Variants in VAV1 observed in about 807,000 individuals in gnomAD.
VAV1 encodes vav guanine nucleotide exchange factor 1, also known as proto-oncogene vav.
A neutral mutation model predicts 128.1 loss-of-function variants in VAV1; 33 were observed. That is an observed-to-expected ratio of 0.26 (90% CI 0.20 to 0.34). The LOEUF is 0.34. Ranked by LOEUF, VAV1 falls within the 10% of genes least tolerant of loss-of-function variation. The pLI is 1.00. For synonymous variants in VAV1, 394 were observed against 409.8 expected, an observed-to-expected ratio of 0.96 and a Z score of 0.47; for missense variants, 715 against 1,093.7, an observed-to-expected ratio of 0.65 and a Z score of 4.88.
At chr19:6,845,321 G>T (rs1245205581) in intron 22 of VAV1, among the ~76,000 whole-genome samples, 2 of 152,076 alleles carry the variant, frequency 1.3e-5, no homozygotes, top group African/African-American at 4.8e-5. Context: ...GCAGGCGGAG[G>T]TTGCAGTGAG....
chr19:6,837,799 G>C (rs1423646780), intron 21 of VAV1, among the ~76,000 whole-genome samples: 1 of 151,996 alleles, frequency 6.6e-6, no homozygotes, highest in South Asian at 2.1e-4. Flanking sequence ...TGCAGACGAC[G>C]TTCCCCTTTA....
chr19:6,850,497 A>G (rs1972644256), intron 23 of VAV1, among the ~76,000 whole-genome samples, 173 bp from the exon 24 acceptor site: 1 of 151,450 alleles, frequency 6.6e-6, no homozygotes, highest in Non-Finnish European at 1.5e-5. Flanking sequence ...GAAGACATTA[A>G]GGCTTTAGAG....
chr19:6,851,576 G>A (rs137976349), intron 24 of VAV1, among the ~76,000 whole-genome samples: 129 of 152,174 alleles, frequency 8.5e-4, no homozygotes, highest in Middle Eastern at 3.4e-3. Context: ...TTTACTCCTC[G>A]TCTAGCTTCA....
intron 21 of VAV1, among the ~76,000 whole-genome samples, chr19:6,842,259 AC>A (rs1438828767): frequency 6.6e-6 from 1 of 151,926 alleles, no homozygotes; most frequent in Non-Finnish European, 1.5e-5. Flanking sequence ...AATAATAAAT[AC>A]ATACATAAAA....
At chr19:6,814,637 C>CCTTCCTTCCT (rs1971581742) in intron 1 of VAV1, among the ~76,000 whole-genome samples, 1 of 82,034 alleles carries the variant, frequency 1.2e-5, no homozygotes, top group African/African-American at 6.5e-5. Context: ...TTTTCTTTCT[C>CCTTCCTTCCT]TCCTTCCTTC....
intron 1 of VAV1, among the ~76,000 whole-genome samples, chr19:6,794,335 A>T (rs189724033): frequency 1.3e-5 from 2 of 152,250 alleles, no homozygotes; most frequent in African/African-American, 4.8e-5. Flanking sequence ...AGAGGAGAAT[A>T]CAGTGACTGA....
chr19:6,851,353 T>A (rs1041162724), intron 24 of VAV1, among the ~76,000 whole-genome samples: 19 of 150,300 alleles, frequency 1.3e-4, no homozygotes, highest in Middle Eastern at 3.4e-3. Flanking sequence ...TAAAAAAAAA[T>A]TTTTTTTTTG....
At chr19:6,812,408 A>C (rs1476549817) in intron 1 of VAV1, among the ~76,000 whole-genome samples, 1 of 152,200 alleles carries the variant, frequency 6.6e-6, no homozygotes, top group Non-Finnish European at 1.5e-5. Flanking sequence ...TGATCCCAGC[A>C]CTTTGGGAGG....
At chr19:6,797,501 G>A (rs1218956668) in intron 1 of VAV1, among the ~76,000 whole-genome samples, 10 of 152,014 alleles carry the variant, frequency 6.6e-5, no homozygotes, top group Non-Finnish European at 1.2e-4. Flanking sequence ...TTGGGAGTTC[G>A]AGACTCAGCC....
intron 4 of VAV1, 33 bp downstream of exon 4, chr19:6,821,892 C>T (rs1256584704): frequency 6.2e-7 from 1 of 1,613,682 alleles, no homozygotes; most frequent in East Asian, 2.2e-5. Flanking sequence ...GCACAGCTCA[C>T]TGGAGCACCG....
intron 26 of VAV1, among the ~76,000 whole-genome samples, chr19:6,856,268 G>A (rs1332760596): frequency 1.3e-5 from 2 of 151,904 alleles, no homozygotes; most frequent in Admixed American, 6.6e-5. Context: ...CTGCACTCCA[G>A]CCTGGGCAAC....
chr19:6,814,660 C>CT lies in VAV1; in HGVS notation c.205-6040dup, dbSNP rs1387668097. On this transcript the variant is annotated intron_variant, in intron 1 of 26. Coordinates refer to ENST00000602142, the MANE Select transcript of VAV1 (RefSeq NM_005428.4). ...CTCTCCTTCCTTCCTTCCTTCCTTCCTTCCTTCCTTCCTTTCTTTCTTTCT... is the reference window on the plus strand; with the variant it reads ...CTCTCCTTCCTTCCTTCCTTCCTTCCTTTCCTTCCTTCCTTTCTTTCTTTCT... Among the ~76,000 whole-genome samples, 426 of 68,328 alleles carry CT rather than the reference C, an allele frequency of 6.2e-3. 3 individuals carry two copies. The highest frequency in any genetic ancestry group is 0.012 in the South Asian group (26 of 2,196). The allele number at this position is 68,328 out of a possible 152,430, so 44.8% of individuals were successfully genotyped here.
intron 1 of VAV1, among the ~76,000 whole-genome samples, chr19:6,793,335 AAAAGAAAG>A (rs372531316): frequency 6.6e-6 from 1 of 151,822 alleles, no homozygotes. Context: ...CTCCATCTCA[AAAAGAAAG>A]AAAGAAAGAA....
intron 24 of VAV1, 67 bp downstream of exon 24, chr19:6,850,824 C>T: frequency 2.6e-6 from 4 of 1,532,690 alleles, no homozygotes; most frequent in Non-Finnish European, 3.6e-6. Flanking sequence ...GCACCTCCGC[C>T]TTGGGACCCC....
At chr19:6,840,696 C>G (rs1369172320) in intron 21 of VAV1, among the ~76,000 whole-genome samples, 2 of 151,300 alleles carry the variant, frequency 1.3e-5, no homozygotes, top group Non-Finnish European at 2.9e-5. Context: ...ACTCGACCCC[C>G]TAAGCTTAAG....
intron 23 of VAV1, 73 bp downstream of exon 23, chr19:6,848,187 G>A: frequency 1.4e-6 from 2 of 1,417,336 alleles, no homozygotes; most frequent in Non-Finnish European, 1.9e-6. Context: ...GGGTATCCAG[G>A]TTTTACTTTA....
chr19:6,801,354 G>A (rs1971264194), intron 1 of VAV1, among the ~76,000 whole-genome samples: 1 of 152,140 alleles, frequency 6.6e-6, no homozygotes. Flanking sequence ...TCAACTTGCC[G>A]GGCTGGTCTG....
chr19:6,838,431 CCA>C (rs1568313139), intron 21 of VAV1, among the ~76,000 whole-genome samples: 3 of 144,142 alleles, frequency 2.1e-5, no homozygotes, highest in South Asian at 4.2e-4. Flanking sequence ...ATCCATCCAT[CCA>C]TCCATCTATC....
At chr19:6,838,505 ATCTG>A (rs1355736472) in intron 21 of VAV1, among the ~76,000 whole-genome samples, 2 of 151,922 alleles carry the variant, frequency 1.3e-5, no homozygotes, top group East Asian at 1.9e-4. Flanking sequence ...TCTATGTATC[ATCTG>A]TCTATGTATT....
Sources: gnomAD v4.1 joint callset for allele counts (sites outside exome capture counted in the v4.1 genomes callset) on GRCh38, gnomAD v4.1.1 for gene constraint, MANE v1.5 for transcripts, NCBI Gene and HGNC (gene_info 2026-07-23, HGNC 2026-07-21) for gene names.